Variants in HTR3E observed in about 807,000 individuals in gnomAD.
HTR3E encodes 5-hydroxytryptamine (serotonin) receptor 3, family member E.
A neutral mutation model predicts 38.0 loss-of-function variants in HTR3E; 38 were observed. The ratio of observed to expected loss-of-function variants is 1.00; its 90% CI spans 0.77 to 1.31. The LOEUF (loss-of-function observed/expected upper bound fraction) is 1.31. Ranked by LOEUF, HTR3E falls within the 50% of genes most tolerant of loss-of-function variation. HTR3E has a pLI of 0.00. For synonymous variants in HTR3E, 210 were observed against 232.9 expected, an observed-to-expected ratio of 0.90 and a Z score of 0.89; for missense variants, 547 against 585.2, an observed-to-expected ratio of 0.93 and a Z score of 0.67.
intron 5 of HTR3E, 120 bp downstream of exon 5, chr3:184,105,076 G>T (rs1337840099): frequency 5.1e-6 from 6 of 1,176,498 alleles, no homozygotes; most frequent in Non-Finnish European, 5.9e-6. Flanking sequence ...CTCTATGGAT[G>T]CTAAAATATT....
intron 5 of HTR3E, 60 bp from the exon 6 acceptor site, chr3:184,105,207 C>A: frequency 6.6e-7 from 1 of 1,506,704 alleles, no homozygotes; most frequent in Non-Finnish European, 9.0e-7. Context: ...AAAAAGAGTG[C>A]AGTTGAGCCA....
At position 184,104,925 on chromosome 3, in the gene HTR3E, C is replaced by A; in HGVS notation, c.528C>A (p.Cys176Ter). Residue 176 changes from cysteine (C) to a stop codon, truncating the protein, a stop_gained, in exon 5 of 9, where the codon TGC becomes TGA. Transcript: ENST00000415389. LOFTEE classifies it high-confidence loss of function. The part of the protein sequence containing the change: ...IFYFPFDQQN[C>*]TLTFSSFLYT... ...ACTTCCCCTTCGACCAGCAGAACTG[C>A]ACACTCACCTTCAGCTCATTCCTCT... 6.2e-7 allele frequency: 1 copy of A among 1,613,938 alleles called. No individual in the cohort carries two copies. Among genetic ancestry groups the A allele is most frequent in the Non-Finnish European group, 8.5e-7 (1 of 1,179,962 alleles).
Position 184,106,473 on chromosome 3 carries a change from A to G in HTR3E, c.1151A>G (p.Glu384Gly), listed in dbSNP as rs372204756. 12 of 1,592,822 alleles carry G rather than the reference A, an allele frequency of 7.5e-6. No individual in the cohort carries two copies. The African/African-American group carries it at 1.6e-4, about 21-fold the overall frequency. The change falls in exon 9 of 9, where the codon GAG becomes GGG. Residue 384 changes from glutamate to glycine, a missense_variant. Transcript: ENST00000415389. The surrounding 1 kb of genome is among the most constrained non-coding windows in gnomAD (Gnocchi z 4.1). ...LTPTHLPGVK[E>G]PEVSAGQMPG... ...CTCTGTCTTTCTGTAGGTGTGAAGG[A>G]GCCAGAGGTATCAGCAGGGCAGATG... is the stretch of plus-strand genomic sequence containing the variant.
chr3:184,106,340 C>A lies in HTR3E; in HGVS notation c.1138C>A (p.Pro380Thr). ...KGPGLTPTHL[P>T]GVKEPEVSAG... Reference sequence around the variant, plus strand: ...CCCGGGTCTCACCCCCACCCACCTGCCCGGTGAGGGAAGTCACATTCCTCT... The same window carrying A: ...CCCGGGTCTCACCCCCACCCACCTGACCGGTGAGGGAAGTCACATTCCTCT... Residue 380 changes from proline to threonine, a missense_variant, in exon 8 of 9, where the codon CCC (proline) becomes ACC (threonine). Physicochemically the swap from Pro to Thr is conservative, Grantham distance 38. Transcript: ENST00000415389. This position sits in a 1 kb window ranked among gnomAD's most constrained non-coding sequence, Gnocchi z 4.1. 6.2e-7 allele frequency: 1 copy of A among 1,608,522 alleles called. No homozygotes were observed. The highest frequency in any genetic ancestry group is 8.5e-7 in the Non-Finnish European group (1 of 1,177,398).
Position 184,097,410 on chromosome 3 carries a change from G to A in HTR3E, c.-120G>A, listed in dbSNP as rs966240044. ...CACTCTTTGAAGGAAGGTTACAAAT[G>A]TCAGTGGTCAACCAATGCTATTAGT... On this transcript the variant is annotated 5_prime_UTR_variant, in exon 1 of 9. The change abolishes an upstream ATG in the 5' untranslated region. Transcript: ENST00000415389. 2.9e-6 allele frequency: 2 copies of A among 688,754 alleles called. No individual in the cohort carries two copies. Among genetic ancestry groups the A allele is most frequent in the Non-Finnish European group, 5.0e-6 (2 of 402,718 alleles). 42.7% of individuals were successfully genotyped at this position (688,754 alleles called of 1,614,324 possible). A position where few individuals can be genotyped will look rare whatever the true frequency, so the allele number is the denominator to read the frequency against.
Position 184,100,627 on chromosome 3 carries a change from C to G in HTR3E, c.210C>G (p.Phe70Leu). The change falls in exon 2 of 9, where the codon TTC becomes TTG. Residue 70 changes from phenylalanine (F) to leucine (L), a missense_variant. Coordinates refer to ENST00000415389, the MANE Select transcript of HTR3E (RefSeq NM_001256613.2). ...ISVPTQVNIS[F>L]AMSAILDVNE... Reference sequence around the variant, plus strand: ...TCCCCACCCAAGTCAACATCTCCTTCGCGATGTCTGCCATCCTAGATGTGG... The same window carrying G: ...TCCCCACCCAAGTCAACATCTCCTTGGCGATGTCTGCCATCCTAGATGTGG... 2 of 1,614,044 alleles carry G rather than the reference C, an allele frequency of 1.2e-6. No homozygotes were observed. The highest frequency in any genetic ancestry group is 1.7e-6 in the Non-Finnish European group (2 of 1,179,958).
At position 184,100,574 on chromosome 3, in the gene HTR3E, C is replaced by T; in HGVS notation, c.157C>T (p.Pro53Ser). Residue 53 changes from proline to serine, a missense_variant, in exon 2 of 9, where the codon CCC (proline) becomes TCC (serine). Physicochemically the swap from Pro to Ser is moderately conservative, Grantham distance 74. Transcript: ENST00000415389. ...TALNSVFNRK[P>S]FRPVTNISVP... is the part of the protein sequence containing the mutation. ...TCTGAATTCAGTGTTTAATAGAAAG[C>T]CCTTCCGTCCGGTCACCAACATCAG... 6.2e-7 allele frequency: 1 copy of T among 1,614,158 alleles called. No individual in the cohort carries two copies. The highest frequency in any genetic ancestry group is 1.7e-5 in the Admixed American group (1 of 60,020).
intron 2 of HTR3E, 148 bp from the exon 3 acceptor site, chr3:184,101,337 C>A: frequency 1.3e-6 from 1 of 748,542 alleles, no homozygotes; most frequent in Non-Finnish European, 2.4e-6. Context: ...TGTCCGTAGC[C>A]TAACACATGG....
rs1359657706 is a variant in HTR3E, at chr3:184,106,552, G to C, written c.1230G>C (p.Gln410His). 2 of 1,614,136 alleles carry C rather than the reference G, an allele frequency of 1.2e-6. No homozygotes were observed. The highest frequency in any genetic ancestry group is 2.2e-5 in the East Asian group (1 of 44,890). ...GGGGCTCAGAATGGACAAGGGCCCA[G>C]CGGGAACACGAGGCCCAGAAGCAGC... The part of the protein sequence containing the change: ...LTGGSEWTRA[Q>H]REHEAQKQHS... The change falls in exon 9 of 9, where the codon CAG (glutamine) becomes CAC (histidine). Residue 410 changes from glutamine (Q) to histidine (H), a missense_variant. Coordinates refer to ENST00000415389, the MANE Select transcript of HTR3E (RefSeq NM_001256613.2). The surrounding 1 kb of genome is among the most constrained non-coding windows in gnomAD (Gnocchi z 4.1).
chr3:184,105,271 C>G lies in HTR3E; in HGVS notation c.564C>G (p.Asp188Glu), dbSNP rs144686527. 1.0e-3 allele frequency: 1,652 copies of G among 1,609,692 alleles called. 12 individuals carry two copies. The African/African-American group carries it at 0.019, about 19-fold the overall frequency. Residue 188 changes from aspartate to glutamate, a missense_variant, in exon 6 of 9, where the codon GAC becomes GAG. Transcript: ENST00000415389. The part of the protein sequence containing the change: ...LTFSSFLYTV[D>E]SMLLDMEKEV... ...TCAGATGGTTCTCATTTTCAGTGGA[C>G]AGCATGTTGCTGGACATGGAGAAAG...
In HTR3E at chr3:184,100,608, C is replaced by T. The variant is rs775263831; in HGVS notation, c.191C>T (p.Thr64Ile). 3 of 1,614,094 alleles carry T rather than the reference C, an allele frequency of 1.9e-6. No homozygotes were observed. Among genetic ancestry groups the T allele is most frequent in the African/African-American group, 2.7e-5 (2 of 75,038 alleles). ...FRPVTNISVP[T>I]QVNISFAMSA... is the part of the protein sequence containing the mutation. Reference sequence around the variant, plus strand: ...CCGGTCACCAACATCAGCGTCCCCACCCAAGTCAACATCTCCTTCGCGATG... The same window carrying T: ...CCGGTCACCAACATCAGCGTCCCCATCCAAGTCAACATCTCCTTCGCGATG... Residue 64 changes from threonine (T) to isoleucine (I), a missense_variant, in exon 2 of 9, where the codon ACC (threonine) becomes ATC (isoleucine). Thr to Ile is a moderately conservative substitution (Grantham distance 89). Transcript: ENST00000415389.
In HTR3E at chr3:184,104,842, C is replaced by T. The variant is rs181115598; in HGVS notation, c.445C>T (p.Arg149Cys). The change falls in exon 5 of 9, where the codon CGC becomes TGC. Residue 149 changes from arginine (R) to cysteine (C), a missense_variant. Physicochemically the swap from Arg to Cys is radical, Grantham distance 180. Coordinates refer to ENST00000415389, the MANE Select transcript of HTR3E (RefSeq NM_001256613.2). ...GLTAYVSNEG[R>C]IRYKKPMKVD... ...CACAGCATATGTAAGTAATGAAGGT[C>T]GCATCAGGTATAAGAAACCCATGAA... The T allele has an allele frequency of 1.9e-5, 30 of 1,613,814 alleles. No homozygotes were observed. In the South Asian group the frequency reaches 1.9e-4, roughly 10 times the overall value.
chr3:184,104,165 C>A lies in HTR3E; in HGVS notation c.280-17C>A. Reference sequence around the variant, plus strand: ...TTAAAAGGCAGGAGACTCACCTCTCCTCCACCTGGGCTCTAGGTTTGGGAT... The same window carrying A: ...TTAAAAGGCAGGAGACTCACCTCTCATCCACCTGGGCTCTAGGTTTGGGAT... On this transcript the variant is annotated splice_polypyrimidine_tract_variant and intron_variant, in intron 3 of 8. Transcript: ENST00000415389. The A allele has an allele frequency of 6.3e-7, 1 of 1,577,222 alleles. No individual in the cohort carries two copies. The highest frequency in any genetic ancestry group is 8.6e-7 in the Non-Finnish European group (1 of 1,162,462).
rs1172251750 is a variant in HTR3E, at chr3:184,106,451, T to C, written c.1142-13T>C. On this transcript the variant is annotated splice_polypyrimidine_tract_variant and intron_variant, in intron 8 of 8. Transcript: ENST00000415389. This position sits in a 1 kb window ranked among gnomAD's most constrained non-coding sequence, Gnocchi z 4.1. ...CATTTGCAGCCCATGGCTGAGTCTC[T>C]GTCTTTCTGTAGGTGTGAAGGAGCC... The C allele has an allele frequency of 6.4e-7, 1 of 1,571,912 alleles. No homozygotes were observed. Among genetic ancestry groups the C allele is most frequent in the Non-Finnish European group, 8.6e-7 (1 of 1,158,628 alleles).
At chr3:184,099,800 C>A (rs1380062707) in intron 1 of HTR3E, among the ~76,000 whole-genome samples, 1 of 151,018 alleles carries the variant, frequency 6.6e-6, no homozygotes, top group Non-Finnish European at 1.5e-5. Flanking sequence ...TTTTTTAAAG[C>A]CTCAAACTAG....
Position 184,106,612 on chromosome 3 carries a change from G to T in HTR3E, c.1290G>T (p.Ala430=), listed in dbSNP as rs141858531. Residue 430 remains alanine (A), a synonymous_variant, in exon 9 of 9, where the codon GCG becomes GCT. Transcript: ENST00000415389. This position sits in a 1 kb window ranked among gnomAD's most constrained non-coding sequence, Gnocchi z 4.1. Reference sequence around the variant, plus strand: ...AGCTGTGGTTGCAGTTCAGCCACGCGATGGACGCCATGCTCTTCCGCCTCT... The same window carrying T: ...AGCTGTGGTTGCAGTTCAGCCACGCTATGGACGCCATGCTCTTCCGCCTCT... ...SVELWLQFSH[A]MDAMLFRLYL... 3 of 1,614,196 alleles carry T rather than the reference G, an allele frequency of 1.9e-6. No homozygotes were observed. The highest frequency in any genetic ancestry group is 1.1e-5 in the South Asian group (1 of 91,080).
At chr3:184,099,504 G>A (rs1199807435) in intron 1 of HTR3E, among the ~76,000 whole-genome samples, 1 of 151,776 alleles carries the variant, frequency 6.6e-6, no homozygotes, top group African/African-American at 2.4e-5. Flanking sequence ...CATGAAGTCA[G>A]GAGATTGAGA....
At position 184,106,847 on chromosome 3, in the gene HTR3E, A is replaced by G. The variant is rs1415396625; in HGVS notation, c.*154A>G. On this transcript the variant is annotated 3_prime_UTR_variant, in exon 9 of 9. Coordinates refer to ENST00000415389, the MANE Select transcript of HTR3E (RefSeq NM_001256613.2). This position sits in a 1 kb window ranked among gnomAD's most constrained non-coding sequence, Gnocchi z 4.1. ...TATCCCAATCCGGTCCTGCTGATCA[A>G]TTCCAATCCCAGACATTTCTCCCTG... 8 of 772,972 alleles carry G rather than the reference A, an allele frequency of 1.0e-5. No individual in the cohort carries two copies. The highest frequency in any genetic ancestry group is 9.2e-5 in the South Asian group (5 of 54,344). The allele number at this position is 772,972 out of a possible 1,614,324, so 47.9% of individuals were successfully genotyped here. A position where few individuals can be genotyped will look rare whatever the true frequency, so the allele number is the denominator to read the frequency against.
At chr3:184,100,062 T>A in intron 1 of HTR3E, 1 of 1,140,318 alleles carries the variant, frequency 8.8e-7, no homozygotes, top group Non-Finnish European at 1.1e-6. Context: ...CACCCCATCC[T>A]CCCGGGCCTC....
Sources: gnomAD v4.1 joint callset for allele counts (sites outside exome capture counted in the v4.1 genomes callset) on GRCh38, gnomAD v4.1.1 for gene constraint, Gnocchi (gnomAD v3.1) non-coding constraint, MANE v1.5 for transcripts, NCBI Gene and HGNC (gene_info 2026-07-23, HGNC 2026-07-21) for gene names.